The following TNFRSF11A variants were observed in gnomAD, a reference collection of about 807,000 sequenced individuals.
TNFRSF11A encodes the protein TNF receptor superfamily member 11a, also known as tumor necrosis factor receptor superfamily member 11A.
A neutral mutation model predicts 55.7 loss-of-function variants in TNFRSF11A; 32 were observed. The observed-to-expected ratio is 0.57, with a 90% CI of 0.43 to 0.77. The LOEUF is 0.77. TNFRSF11A is among the 30% of genes least tolerant of loss of function. The probability of loss-of-function intolerance (pLI) is 0.00; values close to 1 mark genes in which losing one functional copy is unlikely to be tolerated. For synonymous variants in TNFRSF11A, 311 were observed against 331.0 expected (o/e 0.94, Z 0.65); for missense variants, 753 against 809.8 (o/e 0.93, Z 0.85).
chr18:62,349,798 C>A lies in TNFRSF11A; in HGVS notation c.158-14C>A. The A allele has an allele frequency of 6.2e-7, 1 of 1,613,554 alleles. No individual in the cohort carries two copies. The highest frequency in any genetic ancestry group is 1.1e-5 in the South Asian group (1 of 91,032). On this transcript the variant is annotated splice_polypyrimidine_tract_variant and intron_variant, in intron 2 of 9. Transcript: ENST00000586569. ...TTTTTTGATGGTTGCATTTTTCTCC[C>A]TCATTTTTTTAAGGAAAGTACATGT...
chr18:62,356,220 TG>T (rs1159853382), intron 4 of TNFRSF11A, among the ~76,000 whole-genome samples: 1 of 152,226 alleles, frequency 6.6e-6, no homozygotes, highest in Non-Finnish European at 1.5e-5. Context: ...TGGACAGGGT[TG>T]GGAGAATTAA....
intron 9 of TNFRSF11A, among the ~76,000 whole-genome samples, chr18:62,380,947 C>T (rs921896900): frequency 5.3e-5 from 8 of 151,946 alleles, no homozygotes; most frequent in Admixed American, 1.3e-4. Flanking sequence ...TGACTACAAG[C>T]GTGTGCCACC....
intron 8 of TNFRSF11A, 70 bp from the exon 9 acceptor site, chr18:62,368,631 A>C (rs1600405604): frequency 6.6e-7 from 1 of 1,510,296 alleles, no homozygotes; most frequent in African/African-American, 1.4e-5. Flanking sequence ...TGTTTTCAGC[A>C]ATGTTTAGCT....
chr18:62,372,072 T>G (rs1221277585), intron 9 of TNFRSF11A, among the ~76,000 whole-genome samples: 2 of 152,180 alleles, frequency 1.3e-5, no homozygotes, highest in African/African-American at 4.8e-5. Context: ...GTGAGGAGAA[T>G]GATTATTTTT....
chr18:62,351,811 G>C (rs1223347538), intron 3 of TNFRSF11A, among the ~76,000 whole-genome samples: 1 of 152,126 alleles, frequency 6.6e-6, no homozygotes, highest in Admixed American at 6.6e-5. Context: ...TTGTTTGTTT[G>C]TTTGTTTTTG....
intron 2 of TNFRSF11A, 147 bp from the exon 3 acceptor site, chr18:62,349,665 T>G: frequency 1.1e-6 from 1 of 899,236 alleles, no homozygotes. Context: ...TCCTGTGTCA[T>G]ATTGTCTTTG....
intron 2 of TNFRSF11A, among the ~76,000 whole-genome samples, chr18:62,348,936 C>T (rs531513679): frequency 2.0e-5 from 3 of 152,254 alleles, no homozygotes; most frequent in East Asian, 1.9e-4. Flanking sequence ...GTTGGATAGG[C>T]GGGTGGGGCG....
intron 1 of TNFRSF11A, 59 bp from the exon 2 acceptor site, chr18:62,348,109 C>A: frequency 7.8e-7 from 1 of 1,276,220 alleles, no homozygotes; most frequent in Non-Finnish European, 1.1e-6. Context: ...TTTGTTTTAC[C>A]TAGTTTTATC....
At chr18:62,382,785 AT>A (rs1291445943) in intron 9 of TNFRSF11A, among the ~76,000 whole-genome samples, 15 of 146,578 alleles carry the variant, frequency 1.0e-4, no homozygotes, top group African/African-American at 3.7e-4. Flanking sequence ...TGATTGTTTC[AT>A]TTTGTTTGTA....
At chr18:62,360,567 C>T (rs1909607927) in intron 6 of TNFRSF11A, among the ~76,000 whole-genome samples, 2 of 152,092 alleles carry the variant, frequency 1.3e-5, no homozygotes, top group South Asian at 4.2e-4. Flanking sequence ...CTGCCTCAGC[C>T]TCCTGAGTAG....
chr18:62,351,623 T>A (rs1353759201), intron 3 of TNFRSF11A, among the ~76,000 whole-genome samples: 1 of 151,670 alleles, frequency 6.6e-6, no homozygotes, highest in East Asian at 1.9e-4. Context: ...TATTTATTGA[T>A]AAAGTTACTG....
rs1196881797 is a variant in TNFRSF11A at position 62,325,364 on chromosome 18, C to T, written c.12C>T (p.Arg4=). 13 of 1,034,412 alleles carry T rather than the reference C, an allele frequency of 1.3e-5. No homozygotes were observed. Among genetic ancestry groups the T allele is most frequent in the Non-Finnish European group, 1.0e-5 (9 of 865,762 alleles). The allele number at this position is 1,034,412 out of a possible 1,614,324, so 64.1% of individuals were successfully genotyped here. A position where few individuals can be genotyped will look rare whatever the true frequency, so the allele number is the denominator to read the frequency against. Residue 4 remains arginine, a synonymous_variant, in exon 1 of 10, where the codon CGC becomes CGT. Transcript: ENST00000586569. This position sits in a 1 kb window ranked among gnomAD's most constrained non-coding sequence, Gnocchi z 4.7. ...GCCTGTCCCGCGCCATGGCCCCGCGCGCCCGGCGGCGCCGCCCGCTGTTCG... is the reference window on the plus strand; with the variant it reads ...GCCTGTCCCGCGCCATGGCCCCGCGTGCCCGGCGGCGCCGCCCGCTGTTCG... MAP[R]ARRRRPLFAL...
chr18:62,369,355 C>G lies in TNFRSF11A; in HGVS notation c.1438C>G (p.Pro480Ala). ...PQCAYGMGLP[P>A]EEEASRTEAR... ...GTGCGCCTATGGCATGGGCCTTCCC[C>G]CTGAAGAAGAAGCCAGCAGGACGGA... The change falls in exon 9 of 10, where the codon CCT becomes GCT. Residue 480 changes from proline (P) to alanine (A), a missense_variant. Around this residue, in one of 3 missense-constraint regions of TNFRSF11A, gnomAD observed 567 missense variants for 596.7 expected, o/e 0.95. Coordinates refer to ENST00000586569, the MANE Select transcript of TNFRSF11A (RefSeq NM_003839.4). The G allele has an allele frequency of 6.2e-7, 1 of 1,610,266 alleles. No individual in the cohort carries two copies. The highest frequency in any genetic ancestry group is 8.5e-7 in the Non-Finnish European group (1 of 1,178,726).
At chr18:62,380,504 T>C (rs1441491998) in intron 9 of TNFRSF11A, among the ~76,000 whole-genome samples, 1 of 144,986 alleles carries the variant, frequency 6.9e-6, no homozygotes, top group Admixed American at 6.9e-5. Flanking sequence ...TGGCATGATC[T>C]CGGCTCACTG....
rs1911713797 is a variant in TNFRSF11A at position 62,386,089 on chromosome 18, C to T, written c.*1055C>T. The T allele has an allele frequency of 6.6e-6, 1 of 152,166 alleles. No individual in the cohort carries two copies. The highest frequency in any genetic ancestry group is 1.5e-5 in the Non-Finnish European group (1 of 68,034). 9.4% of individuals were successfully genotyped at this position (152,166 alleles called of 1,614,324 possible). A position where few individuals can be genotyped will look rare whatever the true frequency, so the allele number is the denominator to read the frequency against. ...CTTACCCGCTAGGTGGTTAATTTAT[C>T]CATGCTGGCAGAGGCACTCAGGTAC... is the stretch of plus-strand genomic sequence containing the variant. On this transcript the variant is annotated 3_prime_UTR_variant, in exon 10 of 10. Transcript: ENST00000586569.
Position 62,385,225 on chromosome 18 carries a change from T to G in TNFRSF11A, c.*191T>G. ...AGTGAATTGATGAGGACTGTCCCCA[T>G]GCCCACGGATGCTCAGCAGCCCGCC... On this transcript the variant is annotated 3_prime_UTR_variant, in exon 10 of 10. Coordinates refer to ENST00000586569, the MANE Select transcript of TNFRSF11A (RefSeq NM_003839.4). The G allele has an allele frequency of 1.8e-6, 1 of 565,986 alleles. No individual in the cohort carries two copies. The highest frequency in any genetic ancestry group is 3.7e-5 in the East Asian group (1 of 26,836). The allele number at this position is 565,986 out of a possible 1,614,324, so 35.1% of individuals were successfully genotyped here.
chr18:62,338,799 A>T (rs1330894272), intron 1 of TNFRSF11A, among the ~76,000 whole-genome samples: 1 of 150,172 alleles, frequency 6.7e-6, no homozygotes. Context: ...TAAAATGGCA[A>T]ATTTTGTATC....
At chr18:62,381,932 G>A (rs1381733297) in intron 9 of TNFRSF11A, among the ~76,000 whole-genome samples, 2 of 151,846 alleles carry the variant, frequency 1.3e-5, no homozygotes, top group East Asian at 1.9e-4. Flanking sequence ...TTGCTGCTAC[G>A]GTAGAAGCCT....
At chr18:62,360,823 C>G (rs1213468745) in intron 6 of TNFRSF11A, among the ~76,000 whole-genome samples, 2 of 152,142 alleles carry the variant, frequency 1.3e-5, no homozygotes, top group African/African-American at 2.4e-5. Context: ...GTGAGCAGGA[C>G]AGTGTGGAGG....
Sources: allele counts gnomAD v4.1 joint callset (sites outside exome capture counted in the v4.1 genomes callset), GRCh38; gene constraint gnomAD v4.1.1; regional missense constraint gnomAD v4.1.1; non-coding constraint Gnocchi (gnomAD v3.1); transcripts MANE v1.5; gene names NCBI Gene and HGNC (gene_info 2026-07-23, HGNC 2026-07-21).